MAML2: variants seen among roughly 807,000 people sequenced by gnomAD.
The protein encoded by MAML2 is mastermind-like protein 2.
In MAML2, 22 loss-of-function variants were observed where a neutral mutation model predicts 96.1. The observed-to-expected ratio is 0.23, with a 90% CI of 0.16 to 0.33. The LOEUF is 0.33. Ranked by LOEUF, MAML2 falls within the 10% of genes least tolerant of loss-of-function variation. The probability of loss-of-function intolerance (pLI) is 1.00; values close to 1 mark genes in which losing one functional copy is unlikely to be tolerated. For synonymous variants in MAML2, 561 were observed against 521.3 expected (o/e 1.08, Z -1.04); for missense variants, 1,367 against 1,392.4 (o/e 0.98, Z 0.29).
At chr11:95,982,103 A>T (rs1444736121) in intron 4 of MAML2, among the ~76,000 whole-genome samples, 1 of 152,230 alleles carries the variant, frequency 6.6e-6, no homozygotes, top group Non-Finnish European at 1.5e-5. Context: ...AAATGATTTT[A>T]AAAAGAGTTT....
At chr11:96,204,033 G>A (rs1861862925) in intron 1 of MAML2, among the ~76,000 whole-genome samples, 3 of 152,104 alleles carry the variant, frequency 2.0e-5, no homozygotes, top group Admixed American at 2.0e-4. Flanking sequence ...GGGAACCCAG[G>A]GCTAACTACA....
rs77188847 is a variant in MAML2 at position 96,159,150 on chromosome 11, G to C, written c.514-65633C>G. 5.3e-3 allele frequency among the ~76,000 whole-genome samples: 801 copies of C among 152,250 alleles called. 7 individuals carry two copies. Among genetic ancestry groups the C allele is most frequent in the African/African-American group, 0.018 (764 of 41,564 alleles). ...AAGAACAGCAGAAATATGAAAAAGA[G>C]GAGAAATCAGTGGTCAGTTTTTACT... On this transcript the variant is annotated intron_variant, in intron 1 of 4. Transcript: ENST00000524717.
chr11:96,045,475 T>C lies in MAML2; in HGVS notation c.2139+46417A>G, dbSNP rs80189799. 3.1e-4 allele frequency among the ~76,000 whole-genome samples: 47 copies of C among 152,318 alleles called. 1 individual carries two copies. Among genetic ancestry groups the C allele is most frequent in the African/African-American group, 1.1e-3 (46 of 41,578 alleles). On this transcript the variant is annotated intron_variant, in intron 2 of 4. Transcript: ENST00000524717. ...GTCTGAGATCTCCCCAAACCTCAGA[T>C]GTCTATGATTCTCTCCTAATGCCAT...
chr11:96,195,196 A>G (rs1939477), intron 1 of MAML2, among the ~76,000 whole-genome samples: 79,639 of 151,998 alleles, frequency 0.52, 21,265 homozygotes, highest in Middle Eastern at 0.64. Context: ...TTCAAATTAA[A>G]AAGAAAAGAA....
chr11:96,030,579 C>T (rs1858597279), intron 2 of MAML2, among the ~76,000 whole-genome samples: 1 of 152,138 alleles, frequency 6.6e-6, no homozygotes, highest in African/African-American at 2.4e-5. Context: ...CCATGGCATC[C>T]CCAAATATAG....
intron 2 of MAML2, among the ~76,000 whole-genome samples, chr11:96,079,872 G>C (rs1323548066): frequency 6.6e-6 from 1 of 152,222 alleles, no homozygotes; most frequent in Non-Finnish European, 1.5e-5. Context: ...AGCTGTATCA[G>C]CAGGCCTAGG....
intron 1 of MAML2, among the ~76,000 whole-genome samples, chr11:96,159,407 CTT>C (rs760811590): frequency 9.9e-5 from 9 of 91,148 alleles, no homozygotes; most frequent in East Asian, 4.4e-4. Flanking sequence ...ACCACTGATT[CTT>C]TTTTTTTTTT....
At chr11:96,160,472 G>C (rs1016557535) in intron 1 of MAML2, among the ~76,000 whole-genome samples, 1 of 150,602 alleles carries the variant, frequency 6.6e-6, no homozygotes, top group African/African-American at 2.5e-5. Context: ...CTGTCACCCA[G>C]GCTGGAGTGC....
chr11:96,066,471 G>C (rs1859247560), intron 2 of MAML2, among the ~76,000 whole-genome samples: 1 of 152,062 alleles, frequency 6.6e-6, no homozygotes, highest in South Asian at 2.1e-4. Context: ...TTATATAGGT[G>C]GACTGGACAA....
At chr11:96,221,191 G>C (rs1468809328) in intron 1 of MAML2, among the ~76,000 whole-genome samples, 4 of 152,090 alleles carry the variant, frequency 2.6e-5, no homozygotes, top group African/African-American at 9.7e-5. Flanking sequence ...TGGAAGTTTG[G>C]GTGACAGAGT....
intron 1 of MAML2, among the ~76,000 whole-genome samples, chr11:96,326,040 G>T (rs1387503217): frequency 6.6e-6 from 1 of 151,492 alleles, no homozygotes; most frequent in East Asian, 1.9e-4. Context: ...GCTGTGCATT[G>T]TATCACCGTT....
chr11:96,088,027 G>T (rs927658166), intron 2 of MAML2, among the ~76,000 whole-genome samples: 1 of 152,120 alleles, frequency 6.6e-6, no homozygotes, highest in South Asian at 2.1e-4. Context: ...TTTTCTGTGT[G>T]TTCATCCTTA....
chr11:96,299,070 T>TATAC (rs1555037082), intron 1 of MAML2, among the ~76,000 whole-genome samples: 3 of 135,292 alleles, frequency 2.2e-5, no homozygotes, highest in Non-Finnish European at 3.1e-5. Context: ...AATATATATA[T>TATAC]ATATATATAT....
chr11:96,256,463 A>G (rs982475576), intron 1 of MAML2, among the ~76,000 whole-genome samples: 1 of 152,176 alleles, frequency 6.6e-6, no homozygotes, highest in Non-Finnish European at 1.5e-5. Context: ...GGAATCTTCT[A>G]ATTATCCTTC....
intron 2 of MAML2, among the ~76,000 whole-genome samples, chr11:96,047,692 C>T (rs930937030): frequency 7.9e-5 from 12 of 151,826 alleles, no homozygotes; most frequent in East Asian, 3.9e-4. Context: ...AGGTAGATCA[C>T]GAAGTCACGA....
In MAML2 at chr11:96,109,931, G is replaced by A. The variant is rs144276641; in HGVS notation, c.514-16414C>T. Among the ~76,000 whole-genome samples, 607 of 152,308 alleles carry A rather than the reference G, an allele frequency of 4.0e-3. 6 individuals carry two copies. The highest frequency in any genetic ancestry group is 0.014 in the African/African-American group (576 of 41,560). On this transcript the variant is annotated intron_variant, in intron 1 of 4. Coordinates refer to ENST00000524717, the MANE Select transcript of MAML2 (RefSeq NM_032427.4). Reference sequence around the variant, plus strand: ...TGTCTAAATGGATTGCAAGGAACAAGAAGAGAAAAGGGTGGGAATGAAACT... The same window carrying A: ...TGTCTAAATGGATTGCAAGGAACAAAAAGAGAAAAGGGTGGGAATGAAACT...
chr11:96,031,467 A>G (rs1430004921), intron 2 of MAML2, among the ~76,000 whole-genome samples: 2 of 152,192 alleles, frequency 1.3e-5, no homozygotes, highest in Non-Finnish European at 2.9e-5. Context: ...AGTCATTGGT[A>G]TGCTAAGGAG....
chr11:95,989,763 G>A (rs532126638), intron 3 of MAML2, among the ~76,000 whole-genome samples: 10 of 152,286 alleles, frequency 6.6e-5, no homozygotes, highest in Non-Finnish European at 1.3e-4. Context: ...CCTTATGGCA[G>A]TATTCAACGT....
chr11:96,076,432 T>A (rs4589257), intron 2 of MAML2, among the ~76,000 whole-genome samples: 2,246 of 103,108 alleles, frequency 0.022, 30 homozygotes, highest in South Asian at 0.044. Context: ...TCTCTCTCTC[T>A]CACACACACA....
Sources: gnomAD v4.1 joint callset for allele counts (sites outside exome capture counted in the v4.1 genomes callset) on GRCh38, gnomAD v4.1.1 for gene constraint, MANE v1.5 for transcripts, NCBI Gene and HGNC (gene_info 2026-07-23, HGNC 2026-07-21) for gene names.